The following DZIP1 variants were observed in gnomAD, a reference collection of about 807,000 sequenced individuals.
DZIP1 encodes the protein cilium assembly protein DZIP1.
A neutral mutation model predicts 107.6 loss-of-function variants in DZIP1; 97 were observed. The observed-to-expected ratio is 0.90, with a 90% confidence interval of 0.77 to 1.07. The LOEUF (loss-of-function observed/expected upper bound fraction) is 1.07. DZIP1 is among the 50% of genes least tolerant of loss of function. DZIP1 has a pLI of 0.00. For synonymous variants in DZIP1, 390 were observed against 386.4 expected (o/e 1.01, Z -0.11); for missense variants, 1,035 against 1,063.6 (o/e 0.97, Z 0.37).
chr13:95,606,073 A>C lies in DZIP1; in HGVS notation c.1421-14T>G, dbSNP rs1484049679. The C allele has an allele frequency of 6.2e-7, 1 of 1,612,948 alleles. No homozygotes were observed. Among genetic ancestry groups the C allele is most frequent in the Non-Finnish European group, 8.5e-7 (1 of 1,179,602 alleles). On this transcript the variant is annotated splice_polypyrimidine_tract_variant and intron_variant, in intron 13 of 22. Coordinates refer to ENST00000376829, the MANE Select transcript of DZIP1 (RefSeq NM_198968.4). ...CTGGGGCATTCACTGAAACAGCATA[A>C]AAAGGAAAAACTCAGAGGTTCCATA...
chr13:95,638,659 AC>A (rs1396470819), intron 5 of DZIP1, among the ~76,000 whole-genome samples: 2 of 151,638 alleles, frequency 1.3e-5, no homozygotes, highest in Admixed American at 1.3e-4. Flanking sequence ...ACACACACAC[AC>A]ACGCACACCC....
chr13:95,621,014 G>A (rs924386739), intron 9 of DZIP1, among the ~76,000 whole-genome samples: 9 of 152,152 alleles, frequency 5.9e-5, no homozygotes, highest in South Asian at 2.1e-4. Context: ...TGCTCTGCAC[G>A]GGAGGCGAGT....
rs1875613170 is a variant in DZIP1, at chr13:95,619,920, C to T, written c.1138G>A (p.Ala380Thr). Reference protein sequence around the residue: ...QESKWTARVQAIHQEHKKEKG... With the variant: ...QESKWTARVQTIHQEHKKEKG... Reference sequence around the variant, plus strand: ...TCTTTCTTGTGTTCTTGATGAATAGCTTGAACTCGAGCTGTCCATTTGCTT... The same window carrying T: ...TCTTTCTTGTGTTCTTGATGAATAGTTTGAACTCGAGCTGTCCATTTGCTT... Residue 380 changes from alanine (A) to threonine (T), a missense_variant, in exon 10 of 23, where the codon GCT becomes ACT. Coordinates refer to ENST00000376829, the MANE Select transcript of DZIP1 (RefSeq NM_198968.4). 4 of 1,613,832 alleles carry T rather than the reference C, an allele frequency of 2.5e-6. No homozygotes were observed. The highest frequency in any genetic ancestry group is 3.4e-6 in the Non-Finnish European group (4 of 1,179,946).
intron 14 of DZIP1, among the ~76,000 whole-genome samples, chr13:95,605,038 T>C (rs985343733): frequency 2.6e-5 from 4 of 152,158 alleles, no homozygotes; most frequent in Non-Finnish European, 4.4e-5. Flanking sequence ...GATCACATAC[T>C]CAAGACAACT....
intron 12 of DZIP1, among the ~76,000 whole-genome samples, chr13:95,609,912 G>T (rs2044924646): frequency 6.6e-6 from 1 of 152,162 alleles, no homozygotes; most frequent in South Asian, 2.1e-4. Flanking sequence ...AACAACCTGA[G>T]ACGTGCAGGA....
At position 95,642,178 on chromosome 13, in the gene DZIP1, C is replaced by T; in HGVS notation, c.-149G>A. 1 of 1,080,760 alleles carries T rather than the reference C, an allele frequency of 9.3e-7. No individual in the cohort carries two copies. Among genetic ancestry groups the T allele is most frequent in the African/African-American group, 1.7e-5 (1 of 59,398 alleles). The allele number at this position is 1,080,760 out of a possible 1,614,324, so 66.9% of individuals were successfully genotyped here. A position where few individuals can be genotyped will look rare whatever the true frequency, so the allele number is the denominator to read the frequency against. On this transcript the variant is annotated 5_prime_UTR_variant, in exon 4 of 23. Coordinates refer to ENST00000376829, the MANE Select transcript of DZIP1 (RefSeq NM_198968.4). ...CGTCCAGGACGTTGCTATAGCAGCGCCCAGGTCCGGACCTGGAGCAAAGGG... is the reference window on the plus strand; with the variant it reads ...CGTCCAGGACGTTGCTATAGCAGCGTCCAGGTCCGGACCTGGAGCAAAGGG...
intron 7 of DZIP1, among the ~76,000 whole-genome samples, chr13:95,626,403 G>A (rs955652547): frequency 1.9e-4 from 29 of 152,140 alleles, no homozygotes; most frequent in Non-Finnish European, 7.3e-5. Flanking sequence ...TAAAAGGATT[G>A]TAAGAGAATA....
intron 16 of DZIP1, among the ~76,000 whole-genome samples, chr13:95,592,904 C>A (rs2044350278): frequency 6.6e-6 from 1 of 152,122 alleles, no homozygotes; most frequent in Non-Finnish European, 1.5e-5. Flanking sequence ...TTATGAGGTT[C>A]AAGAACAAGC....
chr13:95,612,647 C>A (rs1445977634), intron 10 of DZIP1, among the ~76,000 whole-genome samples: 1 of 151,992 alleles, frequency 6.6e-6, no homozygotes, highest in Non-Finnish European at 1.5e-5. Context: ...TGCAGTGGAG[C>A]AATCTCGGCT....
intron 8 of DZIP1, among the ~76,000 whole-genome samples, chr13:95,623,055 A>C (rs1444387722): frequency 6.6e-6 from 1 of 152,136 alleles, no homozygotes; most frequent in Non-Finnish European, 1.5e-5. Context: ...GCTGGGGCTT[A>C]AAATTTTTTA....
At chr13:95,636,659 G>C (rs1465942899) in intron 5 of DZIP1, among the ~76,000 whole-genome samples, 1 of 152,016 alleles carries the variant, frequency 6.6e-6, no homozygotes, top group Non-Finnish European at 1.5e-5. Context: ...CACAGTGAAT[G>C]TAGATTAGAA....
Position 95,641,885 on chromosome 13 carries a change from G to A in DZIP1, c.37-30C>T. ...GGGGGGCACAAAGAGAGCGCGGCGG[G>A]AGGCGGGGATGGGGGGCGGGCAGGC... On this transcript the variant is annotated intron_variant, in intron 4 of 22. Transcript: ENST00000376829. This position sits in a 1 kb window ranked among gnomAD's most constrained non-coding sequence, Gnocchi z 4.3. The A allele has an allele frequency of 6.9e-7, 1 of 1,441,296 alleles. No individual in the cohort carries two copies. The highest frequency in any genetic ancestry group is 9.1e-7 in the Non-Finnish European group (1 of 1,102,994). The allele number at this position is 1,441,296 out of a possible 1,614,324, so 89.3% of individuals were successfully genotyped here. A position where few individuals can be genotyped will look rare whatever the true frequency, so the allele number is the denominator to read the frequency against.
chr13:95,618,038 G>A (rs375427138), intron 10 of DZIP1: 3 of 518,854 alleles, frequency 5.8e-6, no homozygotes, highest in Non-Finnish European at 1.2e-5. Context: ...TGGAGATGTC[G>A]AGTACTGAGC....
At chr13:95,609,580 T>G (rs2044913341) in intron 12 of DZIP1, 67 bp from the exon 13 acceptor site, 1 of 1,210,448 alleles carries the variant, frequency 8.3e-7, no homozygotes, top group Admixed American at 2.9e-5. Context: ...TTGTAGCCCT[T>G]ATACTAATTT....
At position 95,624,631 on chromosome 13, in the gene DZIP1, C is replaced by T. The variant is rs1876317477; in HGVS notation, c.972+137G>A. The stretch of plus-strand genomic sequence containing the variant: ...ACTCACTCTGTCTCCTCTATGCCTC[C>T]CTCAAGACTCTCAGGGAGAAGAATG... On this transcript the variant is annotated intron_variant, in intron 8 of 22. Transcript: ENST00000376829. The T allele has an allele frequency of 7.4e-5, 59 of 799,498 alleles. No homozygotes were observed. The South Asian group carries it at 8.7e-4, about 12-fold the overall frequency. 49.5% of individuals were successfully genotyped at this position (799,498 alleles called of 1,614,324 possible). A position where few individuals can be genotyped will look rare whatever the true frequency, so the allele number is the denominator to read the frequency against.
rs1173504736 is a variant in DZIP1, at chr13:95,641,907, A to C, written c.37-52T>G. ...CGGGAGGCGGGGATGGGGGGCGGGC[A>C]GGCTGGGGAGCTGGGGGTCCGGGGA... On this transcript the variant is annotated intron_variant, in intron 4 of 22. Coordinates refer to ENST00000376829, the MANE Select transcript of DZIP1 (RefSeq NM_198968.4). This position sits in a 1 kb window ranked among gnomAD's most constrained non-coding sequence, Gnocchi z 4.3. The C allele has an allele frequency of 2.4e-6, 2 of 825,458 alleles. No individual in the cohort carries two copies. The highest frequency in any genetic ancestry group is 3.3e-6 in the Non-Finnish European group (2 of 605,726). The allele number at this position is 825,458 out of a possible 1,614,324, so 51.1% of individuals were successfully genotyped here. A position where few individuals can be genotyped will look rare whatever the true frequency, so the allele number is the denominator to read the frequency against.
intron 15 of DZIP1, among the ~76,000 whole-genome samples, chr13:95,596,544 A>G (rs997154249): frequency 2.0e-5 from 3 of 152,214 alleles, no homozygotes; most frequent in African/African-American, 7.2e-5. Context: ...TGTAGAGGCC[A>G]CATCAGCTTC....
intron 5 of DZIP1, among the ~76,000 whole-genome samples, chr13:95,638,278 T>C (rs1042258687): frequency 1.3e-5 from 2 of 151,852 alleles, no homozygotes; most frequent in African/African-American, 2.4e-5. Flanking sequence ...TTAGTAGAGA[T>C]GGGGTTATAC....
Position 95,612,102 on chromosome 13 carries a change from T to C in DZIP1, c.1249A>G (p.Arg417Gly). 6.2e-7 allele frequency: 1 copy of C among 1,613,768 alleles called. No homozygotes were observed. The highest frequency in any genetic ancestry group is 8.5e-7 in the Non-Finnish European group (1 of 1,180,020). ...LNASNVFYKKRIEELGQRLQE... is the reference protein window; with the variant it reads ...LNASNVFYKKGIEELGQRLQE... ...AGTCTCTGCCCTAGCTCTTCTATCC[T>C]TTTCTTATAGAAAACATTGCTTGCA... The change falls in exon 11 of 23, where the codon AGG (arginine) becomes GGG (glycine). Residue 417 changes from arginine to glycine, a missense_variant. Physicochemically the swap from Arg to Gly is moderately radical, Grantham distance 125 (BLOSUM62 -2). Coordinates refer to ENST00000376829, the MANE Select transcript of DZIP1 (RefSeq NM_198968.4).
Sources: allele counts gnomAD v4.1 joint callset (sites outside exome capture counted in the v4.1 genomes callset), GRCh38; gene constraint gnomAD v4.1.1; non-coding constraint Gnocchi (gnomAD v3.1); transcripts MANE v1.5; gene names NCBI Gene and HGNC (gene_info 2026-07-23, HGNC 2026-07-21).